The following SLC37A2 variants were observed in gnomAD, a reference collection of about 807,000 sequenced individuals.
SLC37A2 encodes solute carrier family 37 member 2, also known as glucose-6-phosphate exchanger SLC37A2.
Under a neutral mutation model 70.7 loss-of-function variants are expected in SLC37A2, and 59 were observed. That is an observed-to-expected ratio of 0.83 (90% CI 0.68 to 1.04). The LOEUF (loss-of-function observed/expected upper bound fraction) is 1.04, where lower values mean the gene tolerates loss of function less well. Among genes scored for constraint, SLC37A2 ranks in the 50% least tolerant of loss-of-function variants. The probability of loss-of-function intolerance (pLI) is 0.00; values close to 1 mark genes in which losing one functional copy is unlikely to be tolerated. For synonymous variants in SLC37A2, 257 were observed against 262.1 expected (o/e 0.98, Z 0.19); for missense variants, 580 against 658.1 (o/e 0.88, Z 1.30).
intron 1 of SLC37A2, among the ~76,000 whole-genome samples, chr11:125,070,876 C>T (rs1014759682): frequency 4.6e-5 from 7 of 152,232 alleles, no homozygotes; most frequent in African/African-American, 1.4e-4. Context: ...GACTGGCGTG[C>T]ACCTCATTGA....
chr11:125,084,345 G>A (rs751135963), intron 12 of SLC37A2, 26 bp downstream of exon 12: 14 of 1,611,090 alleles, frequency 8.7e-6, no homozygotes, highest in East Asian at 4.5e-5. Flanking sequence ...AGGGTGAAGT[G>A]CGAATGCATG....
In SLC37A2 at chr11:125,081,398, TAGAA is replaced by T. The variant is rs751500868; in HGVS notation, c.695-20_695-17del. The T allele has an allele frequency of 6.2e-7, 1 of 1,601,240 alleles. No individual in the cohort carries two copies. Among genetic ancestry groups the T allele is most frequent in the Non-Finnish European group, 8.5e-7 (1 of 1,173,380 alleles). On this transcript the variant is annotated intron_variant, in intron 7 of 17. Transcript: ENST00000403796. ...GGGGGGCGGGGGTTGGGAAACTTCT[TAGAA>T]AGCGATTTTTTTTTCTAGACCCAGA...
rs754167512 is a variant in SLC37A2 at position 125,084,281 on chromosome 11, A to G, written c.1087A>G (p.Thr363Ala). 6.2e-7 allele frequency: 1 copy of G among 1,614,232 alleles called. No individual in the cohort carries two copies. ...CTCTGACTACACCAATGGCAGGGCCACCACTTGCTGTGTCATGCTCATCTT... is the reference window on the plus strand; with the variant it reads ...CTCTGACTACACCAATGGCAGGGCCGCCACTTGCTGTGTCATGCTCATCTT... ...LVSDYTNGRA[T>A]TCCVMLILAA... Residue 363 changes from threonine to alanine, a missense_variant, in exon 12 of 18, where the codon ACC (threonine) becomes GCC (alanine). By Grantham distance (58) the Thr-to-Ala change is moderately conservative. Coordinates refer to ENST00000403796, the MANE Select transcript of SLC37A2 (RefSeq NM_001145290.2).
intron 10 of SLC37A2, 140 bp downstream of exon 10, chr11:125,082,474 GA>G: frequency 1.3e-6 from 1 of 757,850 alleles, no homozygotes; most frequent in South Asian, 1.6e-5. Context: ...AGAGTGAAAG[GA>G]GCTTGATTTA....
At chr11:125,068,603 G>C (rs1455643716) in intron 1 of SLC37A2, among the ~76,000 whole-genome samples, 1 of 152,152 alleles carries the variant, frequency 6.6e-6, no homozygotes, top group Non-Finnish European at 1.5e-5. Flanking sequence ...ACCAGCGAGG[G>C]GAATGCAGAA....
At chr11:125,082,525 C>A (rs1242423762) in intron 10 of SLC37A2, among the ~76,000 whole-genome samples, 191 bp downstream of exon 10, 1 of 152,128 alleles carries the variant, frequency 6.6e-6, no homozygotes, top group Non-Finnish European at 1.5e-5. Flanking sequence ...GCAAACTACC[C>A]CCTAGACCCT....
intron 17 of SLC37A2, chr11:125,087,904 T>A: frequency 1.9e-6 from 1 of 517,294 alleles, no homozygotes; most frequent in Non-Finnish European, 3.5e-6. Flanking sequence ...AGTGCTGGGA[T>A]TACAGGTGTG....
chr11:125,085,403 C>G lies in SLC37A2; in HGVS notation c.1257C>G (p.His419Gln), dbSNP rs1263916727. ...CCACTGTCTCTCTCCAGGGGACTCACAAGAGCCTGAAGGGCAACGCCAAAG... is the reference window on the plus strand; with the variant it reads ...CCACTGTCTCTCTCCAGGGGACTCAGAAGAGCCTGAAGGGCAACGCCAAAG... ...TTAVSADLGT[H>Q]KSLKGNAKAL... Residue 419 changes from histidine to glutamine, a missense_variant, in exon 15 of 18, where the codon CAC becomes CAG. Physicochemically the swap from His to Gln is conservative, Grantham distance 24 (BLOSUM62 0). Transcript: ENST00000403796. 6.2e-7 allele frequency: 1 copy of G among 1,613,810 alleles called. No individual in the cohort carries two copies. The highest frequency in any genetic ancestry group is 8.5e-7 in the Non-Finnish European group (1 of 1,179,924).
chr11:125,079,602 C>T, intron 5 of SLC37A2, 82 bp from the exon 6 acceptor site: 1 of 1,141,924 alleles, frequency 8.8e-7, no homozygotes, highest in East Asian at 2.6e-5. Flanking sequence ...GAAATTGAAC[C>T]TCCTCAGCCC....
At position 125,090,066 on chromosome 11, in the gene SLC37A2, ACT is replaced by A. The variant is rs1949268199; in HGVS notation, c.*1935_*1936del. The A allele has an allele frequency of 6.6e-6, 1 of 152,176 alleles. No homozygotes were observed. The highest frequency in any genetic ancestry group is 2.4e-5 in the African/African-American group (1 of 41,384). 9.4% of individuals were successfully genotyped at this position (152,176 alleles called of 1,614,324 possible). A position where few individuals can be genotyped will look rare whatever the true frequency, so the allele number is the denominator to read the frequency against. On this transcript the variant is annotated 3_prime_UTR_variant, in exon 18 of 18. Coordinates refer to ENST00000403796, the MANE Select transcript of SLC37A2 (RefSeq NM_001145290.2). ...AAGGTTTGTGAGTGCACCAGTCGAC[ACT>A]CTGTATCTAGCTGCTCTGGTGGGGC...
At chr11:125,064,808 TGTTTAATGGGTATGGA>T in intron 1 of SLC37A2, among the ~76,000 whole-genome samples, 1 of 152,218 alleles carries the variant, frequency 6.6e-6, no homozygotes, top group African/African-American at 2.4e-5. Flanking sequence ...GGGGAATTAT[TGTTTAATGGGTATGGA>T]GTTTCAGTTT....
intron 1 of SLC37A2, among the ~76,000 whole-genome samples, chr11:125,075,041 G>A (rs1035147919): frequency 9.2e-5 from 14 of 152,142 alleles, no homozygotes; most frequent in Admixed American, 5.9e-4. Context: ...TGATACTAGC[G>A]CAATGTGTAA....
At chr11:125,081,113 C>A (rs1409340015) in intron 7 of SLC37A2, among the ~76,000 whole-genome samples, 1 of 152,174 alleles carries the variant, frequency 6.6e-6, no homozygotes, top group Non-Finnish European at 1.5e-5. Context: ...AGGCTCTCCA[C>A]TTGCTGCAGG....
chr11:125,088,424 T>C lies in SLC37A2; in HGVS notation c.*290T>C. ...TCTCCATTTTGATAAGGAAAGGATA[T>C]GCTCAGACTCTTGCTTGTTCAGATT... is the stretch of plus-strand genomic sequence containing the variant. On this transcript the variant is annotated 3_prime_UTR_variant, in exon 18 of 18. Transcript: ENST00000403796. 4.4e-6 allele frequency: 2 copies of C among 455,286 alleles called. No individual in the cohort carries two copies. Among genetic ancestry groups the C allele is most frequent in the Non-Finnish European group, 3.9e-6 (1 of 254,192 alleles). The allele number at this position is 455,286 out of a possible 1,614,324, so 28.2% of individuals were successfully genotyped here.
rs912833377 is a variant in SLC37A2, at chr11:125,063,750, G to A, written c.59+324G>A. Among the ~76,000 whole-genome samples the A allele has an allele frequency of 5.9e-5, 9 of 152,342 alleles. No homozygotes were observed. The South Asian group carries it at 1.7e-3, about 28-fold the overall frequency. On this transcript the variant is annotated intron_variant, in intron 1 of 17. Transcript: ENST00000403796. This position sits in a 1 kb window ranked among gnomAD's most constrained non-coding sequence, Gnocchi z 5.4. The stretch of plus-strand genomic sequence containing the variant: ...CACACATCCGGGGCGCCTTCAGAGC[G>A]CCTTTCTGTCGTTGGGCAGCTGGGG...
intron 1 of SLC37A2, among the ~76,000 whole-genome samples, chr11:125,076,472 G>T (rs1172580041): frequency 6.6e-6 from 1 of 152,212 alleles, no homozygotes; most frequent in Non-Finnish European, 1.5e-5. Context: ...AAAAGCAGAG[G>T]TGCTGCCAGC....
At chr11:125,076,527 C>T (rs368909533) in intron 1 of SLC37A2, among the ~76,000 whole-genome samples, 13 of 152,144 alleles carry the variant, frequency 8.5e-5, no homozygotes, top group African/African-American at 2.9e-4. Context: ...GGGGCCGAGC[C>T]GGCTGCAACA....
intron 1 of SLC37A2, among the ~76,000 whole-genome samples, chr11:125,068,777 T>C (rs1289526365): frequency 6.6e-6 from 1 of 152,258 alleles, no homozygotes; most frequent in East Asian, 1.9e-4. Flanking sequence ...AGATACATAT[T>C]AACCCAATTC....
At chr11:125,072,675 G>A (rs542099554) in intron 1 of SLC37A2, among the ~76,000 whole-genome samples, 1 of 152,364 alleles carries the variant, frequency 6.6e-6, no homozygotes, top group Admixed American at 6.5e-5. Context: ...CATGGAAGGA[G>A]TGCGTCAGCT....
Sources: gnomAD v4.1 joint callset for allele counts (sites outside exome capture counted in the v4.1 genomes callset) on GRCh38, gnomAD v4.1.1 for gene constraint, Gnocchi (gnomAD v3.1) non-coding constraint, MANE v1.5 for transcripts, NCBI Gene and HGNC (gene_info 2026-07-23, HGNC 2026-07-21) for gene names.